The following COL25A1 variants were observed in gnomAD, a reference collection of about 807,000 sequenced individuals.
COL25A1 encodes the protein collagen alpha-1(XXV) chain.
COL25A1 carries 103 observed loss-of-function variants against 128.4 expected under a neutral mutation model. The observed-to-expected ratio is 0.80, with a 90% CI of 0.68 to 0.94. The LOEUF is 0.94. Among genes scored for constraint, COL25A1 ranks in the 40% least tolerant of loss-of-function variants. The pLI is 0.00. For missense variants in COL25A1, 745 were observed against 840.0 expected (o/e 0.89, Z 1.40); for synonymous variants, 279 against 277.2 (o/e 1.01, Z -0.06).
rs928691729 is a variant in COL25A1, at chr4:109,065,555, T to C, written c.368-15376A>G. 2.6e-3 allele frequency among the ~76,000 whole-genome samples: 384 copies of C among 149,820 alleles called. 2 individuals carry two copies. The highest frequency in any genetic ancestry group is 7.3e-3 in the African/African-American group (293 of 40,068). ...GCACGCGCGCGCGCGCGTGTGTGTG[T>C]GTGTGTGTGTGTGTGTGTGTGTGTG... On this transcript the variant is annotated intron_variant, in intron 3 of 37. Coordinates refer to ENST00000399132, the MANE Select transcript of COL25A1 (RefSeq NM_198721.4).
intron 26 of COL25A1, among the ~76,000 whole-genome samples, chr4:108,849,779 A>G (rs1735553828): frequency 6.6e-6 from 1 of 152,174 alleles, no homozygotes; most frequent in Non-Finnish European, 1.5e-5. Context: ...TGTATTTTCT[A>G]GAAAGGCCTG....
chr4:108,962,117 A>G (rs1218776335), intron 8 of COL25A1, among the ~76,000 whole-genome samples: 1 of 150,862 alleles, frequency 6.6e-6, no homozygotes, highest in Non-Finnish European at 1.5e-5. Context: ...CCAGGACAGC[A>G]CTCTCACTCT....
At chr4:108,953,608 CAAT>C (rs1313098659) in intron 8 of COL25A1, among the ~76,000 whole-genome samples, 2 of 152,082 alleles carry the variant, frequency 1.3e-5, no homozygotes, top group Non-Finnish European at 2.9e-5. Flanking sequence ...TGAAAGGAAA[CAAT>C]AACTAATCCC....
chr4:109,251,902 C>T (rs1780674057), intron 3 of COL25A1, among the ~76,000 whole-genome samples: 1 of 152,230 alleles, frequency 6.6e-6, no homozygotes, highest in South Asian at 2.1e-4. Flanking sequence ...CTCAGCCTTG[C>T]AAGGTATTGC....
At chr4:108,904,082 A>C (rs181191890) in intron 13 of COL25A1, among the ~76,000 whole-genome samples, 43 of 152,226 alleles carry the variant, frequency 2.8e-4, no homozygotes, top group African/African-American at 9.9e-4. Flanking sequence ...GTCCACACTT[A>C]GTTTCCCAGG....
At chr4:108,886,701 A>G (rs528104861) in intron 18 of COL25A1, among the ~76,000 whole-genome samples, 9 of 152,218 alleles carry the variant, frequency 5.9e-5, no homozygotes, top group Admixed American at 4.6e-4. Flanking sequence ...CTTGGTCATA[A>G]TTAGGATTTG....
chr4:109,037,728 G>T (rs192051551), intron 5 of COL25A1, among the ~76,000 whole-genome samples: 1 of 152,282 alleles, frequency 6.6e-6, no homozygotes, highest in African/African-American at 2.4e-5. Flanking sequence ...CCCTAAGTCT[G>T]TCACTCTCCT....
At chr4:109,187,784 G>A in intron 3 of COL25A1, among the ~76,000 whole-genome samples, 1 of 152,152 alleles carries the variant, frequency 6.6e-6, no homozygotes, top group Non-Finnish European at 1.5e-5. Context: ...ATAAGGATGT[G>A]ATGTCTTCTC....
chr4:109,283,620 G>A (rs1387118339), intron 3 of COL25A1, among the ~76,000 whole-genome samples: 3 of 152,102 alleles, frequency 2.0e-5, no homozygotes, highest in Non-Finnish European at 4.4e-5. Flanking sequence ...CCAATCTGCT[G>A]ACAAGATAGC....
intron 5 of COL25A1, among the ~76,000 whole-genome samples, chr4:109,043,184 T>C (rs1760087085): frequency 6.6e-6 from 1 of 152,110 alleles, no homozygotes; most frequent in Non-Finnish European, 1.5e-5. Context: ...GTATGTTAAG[T>C]GACACATGGT....
intron 3 of COL25A1, among the ~76,000 whole-genome samples, chr4:109,130,130 C>A (rs74414899): frequency 6.7e-6 from 1 of 149,418 alleles, no homozygotes; most frequent in Non-Finnish European, 1.5e-5. Context: ...TACATACATA[C>A]ATATATATAT....
intron 3 of COL25A1, among the ~76,000 whole-genome samples, chr4:109,116,665 C>T (rs1184561442): frequency 6.6e-6 from 1 of 152,008 alleles, no homozygotes; most frequent in Admixed American, 6.6e-5. Context: ...GAACAAGCAT[C>T]AGAACCAGAG....
Position 108,852,220 on chromosome 4 carries a change from G to A in COL25A1, c.1389+16C>T, listed in dbSNP as rs778977726. ...CACTGTATGTGATAAATGGAAACAA[G>A]TAAATAAAGAATAACCTTTGGCCCT... On this transcript the variant is annotated intron_variant, in intron 26 of 37. Coordinates refer to ENST00000399132, the MANE Select transcript of COL25A1 (RefSeq NM_198721.4). 1.9e-6 allele frequency: 3 copies of A among 1,598,104 alleles called. No individual in the cohort carries two copies. The highest frequency in any genetic ancestry group is 1.3e-5 in the African/African-American group (1 of 74,256).
chr4:109,117,321 T>C lies in COL25A1; in HGVS notation c.368-67142A>G, dbSNP rs941035306. 5.3e-5 allele frequency among the ~76,000 whole-genome samples: 8 copies of C among 152,106 alleles called. No homozygotes were observed. The East Asian group carries it at 1.5e-3, about 29-fold the overall frequency. ...AATAAGAATTACGTCCAATTTCTTCTCAGAACCCATGTAAACGAGAAGAAA... is the reference window on the plus strand; with the variant it reads ...AATAAGAATTACGTCCAATTTCTTCCCAGAACCCATGTAAACGAGAAGAAA... On this transcript the variant is annotated intron_variant, in intron 3 of 37. Coordinates refer to ENST00000399132, the MANE Select transcript of COL25A1 (RefSeq NM_198721.4).
rs1779989483 is a variant in COL25A1, at chr4:109,242,825, A to G, written c.367+57758T>C. On this transcript the variant is annotated intron_variant, in intron 3 of 37. Coordinates refer to ENST00000399132, the MANE Select transcript of COL25A1 (RefSeq NM_198721.4). ...GTATATATTTAAGGTATACAACATGATGTTTTGATATACATAAGTGATTAC... is the reference window on the plus strand; with the variant it reads ...GTATATATTTAAGGTATACAACATGGTGTTTTGATATACATAAGTGATTAC... 5.9e-5 allele frequency among the ~76,000 whole-genome samples: 9 copies of G among 152,034 alleles called. No individual in the cohort carries two copies. In the South Asian group the frequency reaches 1.9e-3, roughly 31 times the overall value.
At chr4:108,942,272 T>C (rs1051244531) in intron 8 of COL25A1, 22 of 1,550,102 alleles carry the variant, frequency 1.4e-5, no homozygotes, top group Non-Finnish European at 1.9e-5. Context: ...GCAGGCCCTA[T>C]GGACATAGCA....
intron 3 of COL25A1, among the ~76,000 whole-genome samples, chr4:109,051,381 G>C (rs1337490551): frequency 6.6e-6 from 1 of 152,066 alleles, no homozygotes; most frequent in East Asian, 1.9e-4. Context: ...AGAAACAATT[G>C]AGCAATAAAA....
intron 3 of COL25A1, among the ~76,000 whole-genome samples, chr4:109,224,054 C>T (rs1778607161): frequency 6.6e-6 from 1 of 152,116 alleles, no homozygotes; most frequent in Non-Finnish European, 1.5e-5. Flanking sequence ...GAACTCCTGT[C>T]TTGGAATTTT....
At chr4:108,815,226 A>G (rs368516613) in intron 37 of COL25A1, among the ~76,000 whole-genome samples, 7 of 152,198 alleles carry the variant, frequency 4.6e-5, no homozygotes, top group African/African-American at 1.2e-4. Flanking sequence ...TCAGTGATTT[A>G]TACGACTGCC....
Sources: gnomAD v4.1 joint callset for allele counts (sites outside exome capture counted in the v4.1 genomes callset) on GRCh38, gnomAD v4.1.1 for gene constraint, MANE v1.5 for transcripts, NCBI Gene and HGNC (gene_info 2026-07-23, HGNC 2026-07-21) for gene names.